Variants in NRXN3 observed in about 807,000 individuals in gnomAD.
NRXN3 encodes the protein neurexin 3, also known as neurexin III.
NRXN3 carries 32 observed loss-of-function variants against 137.6 expected under a neutral mutation model. That is an observed-to-expected ratio of 0.23 (90% CI 0.18 to 0.31). The LOEUF is 0.31. Ranked by LOEUF, NRXN3 falls within the 10% of genes least tolerant of loss-of-function variation. NRXN3 has a pLI of 1.00. For synonymous variants in NRXN3, 798 were observed against 784.5 expected (o/e 1.02, Z -0.29); for missense variants, 1,574 against 2,062.5 (o/e 0.76, Z 4.59).
At chr14:78,917,974 A>G (rs1476448786) in intron 10 of NRXN3, among the ~76,000 whole-genome samples, 4 of 146,156 alleles carry the variant, frequency 2.7e-5, no homozygotes. Context: ...AAAAAAATAA[A>G]AAAATAAAAA....
chr14:79,257,388 A>ATGG (rs1555899794), intron 15 of NRXN3, among the ~76,000 whole-genome samples: 29 of 31,454 alleles, frequency 9.2e-4, no homozygotes, highest in South Asian at 2.6e-3. Context: ...GGTGGTGGTG[A>ATGG]TGGTGGTGGT....
chr14:78,878,359 T>C (rs1482567338), intron 10 of NRXN3, among the ~76,000 whole-genome samples: 1 of 152,128 alleles, frequency 6.6e-6, no homozygotes, highest in African/African-American at 2.4e-5. Flanking sequence ...CAAGGCAAAA[T>C]TATTTAATAA....
At chr14:78,949,244 C>A (rs951879951) in intron 10 of NRXN3, among the ~76,000 whole-genome samples, 1 of 152,116 alleles carries the variant, frequency 6.6e-6, no homozygotes, top group Admixed American at 6.6e-5. Context: ...TCTTCCTTCT[C>A]CCCCTCTACC....
intron 15 of NRXN3, among the ~76,000 whole-genome samples, chr14:79,064,751 A>ATATG (rs1568164742): frequency 2.7e-5 from 4 of 147,604 alleles, no homozygotes; most frequent in African/African-American, 9.9e-5. Context: ...ATATATATAT[A>ATATG]TAATTACCCA....
chr14:79,149,678 A>G (rs571854292), intron 15 of NRXN3, among the ~76,000 whole-genome samples: 2 of 152,152 alleles, frequency 1.3e-5, no homozygotes, highest in Admixed American at 6.5e-5. Context: ...ATACAGACAT[A>G]AAAAGGAATG....
chr14:78,782,962 AAG>A (rs1468778274), intron 8 of NRXN3, among the ~76,000 whole-genome samples: 1 of 152,256 alleles, frequency 6.6e-6, no homozygotes, highest in Non-Finnish European at 1.5e-5. Flanking sequence ...GAAACAGGAA[AAG>A]AGAGGATCAC....
chr14:78,400,160 C>T (rs528311618), intron 4 of NRXN3, among the ~76,000 whole-genome samples: 1 of 152,214 alleles, frequency 6.6e-6, no homozygotes, highest in South Asian at 2.1e-4. Context: ...AGGCATTATT[C>T]CCCTTTAAGA....
intron 4 of NRXN3, among the ~76,000 whole-genome samples, chr14:78,620,925 GT>G (rs1485619532): frequency 2.6e-5 from 4 of 152,156 alleles, no homozygotes; most frequent in Non-Finnish European, 4.4e-5. Context: ...GACCAAACAA[GT>G]TAAGAGTCTC....
chr14:78,432,259 G>A (rs1055046793), intron 4 of NRXN3, among the ~76,000 whole-genome samples: 19 of 151,666 alleles, frequency 1.3e-4, no homozygotes, highest in African/African-American at 4.4e-4. Flanking sequence ...TCCTTAGTGT[G>A]TGTATGGCTT....
intron 15 of NRXN3, among the ~76,000 whole-genome samples, chr14:79,341,321 T>A (rs772411934): frequency 8.5e-5 from 13 of 152,156 alleles, no homozygotes; most frequent in African/African-American, 1.2e-4. Context: ...CTCCTGTTGG[T>A]CCATGGTAAT....
At chr14:79,259,384 A>G (rs1272994485) in intron 15 of NRXN3, among the ~76,000 whole-genome samples, 1 of 151,810 alleles carries the variant, frequency 6.6e-6, no homozygotes, top group Admixed American at 6.6e-5. Flanking sequence ...AAAACTTCTG[A>G]CTTTCCAATG....
intron 4 of NRXN3, among the ~76,000 whole-genome samples, chr14:78,489,407 G>A (rs1390620953): frequency 6.6e-6 from 1 of 152,154 alleles, no homozygotes; most frequent in African/African-American, 2.4e-5. Context: ...GGACAGACTG[G>A]CTAATGTAAG....
chr14:78,483,942 C>A (rs1222768092), intron 4 of NRXN3, among the ~76,000 whole-genome samples: 2 of 147,412 alleles, frequency 1.4e-5, no homozygotes, highest in Non-Finnish European at 3.0e-5. Flanking sequence ...TGAAGAAGGG[C>A]AAGCCATTCA....
chr14:79,082,213 T>A (rs983493360), intron 15 of NRXN3, among the ~76,000 whole-genome samples: 1 of 152,156 alleles, frequency 6.6e-6, no homozygotes, highest in Non-Finnish European at 1.5e-5. Context: ...AACATCTTCA[T>A]GTACGTAAAA....
At position 78,926,998 on chromosome 14, in the gene NRXN3, A is replaced by T. The variant is rs1442329896; in HGVS notation, c.2276-30244A>T. On this transcript the variant is annotated intron_variant, in intron 10 of 20. Transcript: ENST00000335750. ...ATAATATATTTTTATATATATATAT[A>T]ATATATATATGCCAAATGTGGTGAT... is the stretch of plus-strand genomic sequence containing the variant. Among the ~76,000 whole-genome samples, 23 of 95,630 alleles carry T rather than the reference A, an allele frequency of 2.4e-4. 1 individual carries two copies. Among genetic ancestry groups the T allele is most frequent in the South Asian group, 2.8e-4 (1 of 3,596 alleles). The allele number at this position is 95,630 out of a possible 152,430, so 62.7% of individuals were successfully genotyped here. A position where few individuals can be genotyped will look rare whatever the true frequency, so the allele number is the denominator to read the frequency against.
chr14:78,558,969 G>T (rs1206777064), intron 4 of NRXN3, among the ~76,000 whole-genome samples: 1 of 152,136 alleles, frequency 6.6e-6, no homozygotes, highest in African/African-American at 2.4e-5. Flanking sequence ...CACTGTATAT[G>T]AATTTGGCTC....
At chr14:79,710,567 G>A (rs1405504444) in intron 19 of NRXN3, among the ~76,000 whole-genome samples, 1 of 152,152 alleles carries the variant, frequency 6.6e-6, no homozygotes, top group Non-Finnish European at 1.5e-5. Context: ...CATTAGCCTA[G>A]ACAAGGAGTA....
intron 15 of NRXN3, among the ~76,000 whole-genome samples, chr14:79,229,741 C>T (rs2071773156): frequency 6.6e-6 from 1 of 152,112 alleles, no homozygotes; most frequent in Admixed American, 6.6e-5. Context: ...TGCCAGCTGT[C>T]CGTCTTGTCC....
At chr14:79,001,660 A>G (rs148944905) in intron 15 of NRXN3, among the ~76,000 whole-genome samples, 218 of 152,304 alleles carry the variant, frequency 1.4e-3, no homozygotes, top group Middle Eastern at 6.8e-3. Flanking sequence ...GCCTTATCCC[A>G]AATCCCACTG....
Sources: gnomAD v4.1 joint callset for allele counts (sites outside exome capture counted in the v4.1 genomes callset) on GRCh38, gnomAD v4.1.1 for gene constraint, MANE v1.5 for transcripts, NCBI Gene and HGNC (gene_info 2026-07-23, HGNC 2026-07-21) for gene names.